XXYLT1: variants seen among roughly 807,000 people sequenced by gnomAD.
The protein encoded by XXYLT1 is UDP-xylose:alpha-xyloside alpha-1,3-xylosyltransferase.
XXYLT1 carries 20 observed loss-of-function variants against 28.9 expected under a neutral mutation model. The observed-to-expected ratio is 0.69, with a 90% CI of 0.49 to 1.00. XXYLT1 has a LOEUF of 1.00. Ranked by LOEUF, XXYLT1 falls within the 50% of genes least tolerant of loss-of-function variation. The pLI, the probability that XXYLT1 is intolerant of heterozygous loss-of-function variation, is 0.00. For synonymous variants in XXYLT1, 257 were observed against 253.8 expected (o/e 1.01, Z -0.12); for missense variants, 542 against 560.1 (o/e 0.97, Z 0.33).
chr3:195,126,738 C>A (rs949121149), intron 3 of XXYLT1, among the ~76,000 whole-genome samples: 1 of 152,220 alleles, frequency 6.6e-6, no homozygotes, highest in Non-Finnish European at 1.5e-5. Context: ...CTAGAGAAGA[C>A]AAGACTGTTC....
At chr3:195,112,715 G>A (rs894366402) in intron 3 of XXYLT1, among the ~76,000 whole-genome samples, 7 of 143,354 alleles carry the variant, frequency 4.9e-5, no homozygotes, top group African/African-American at 1.8e-4. Context: ...ATGCACACAC[G>A]CAGCTCCCAG....
At chr3:195,109,546 G>GT (rs1560099562) in intron 3 of XXYLT1, among the ~76,000 whole-genome samples, 94 of 88,108 alleles carry the variant, frequency 1.1e-3, no homozygotes, top group African/African-American at 2.1e-3. Context: ...CATGTGTAGG[G>GT]GGTGTGTGTG....
At chr3:195,070,184 C>T in intron 3 of XXYLT1, 73 bp from the exon 4 acceptor site, 1 of 1,488,470 alleles carries the variant, frequency 6.7e-7, no homozygotes, top group Non-Finnish European at 8.9e-7. Context: ...CCTGGGTCTT[C>T]ACAGCCAGCC....
rs1268794579 is a variant in XXYLT1 at position 195,076,207 on chromosome 3, G to A, written c.786-6096C>T. Reference sequence around the variant, plus strand: ...GGAAGAGGGCCTGGAGGAAGGTCTGGGGGCTCGGGGAAGTGAGAAAAGAGG... The same window carrying A: ...GGAAGAGGGCCTGGAGGAAGGTCTGAGGGCTCGGGGAAGTGAGAAAAGAGG... On this transcript the variant is annotated intron_variant, in intron 3 of 3. Coordinates refer to ENST00000310380, the MANE Select transcript of XXYLT1 (RefSeq NM_152531.5). This position sits in a 1 kb window ranked among gnomAD's most constrained non-coding sequence, Gnocchi z 5.3. Among the ~76,000 whole-genome samples the A allele has an allele frequency of 6.6e-6, 1 of 152,196 alleles. No individual in the cohort carries two copies. The highest frequency in any genetic ancestry group is 1.5e-5 in the Non-Finnish European group (1 of 68,020).
At chr3:195,112,756 C>A (rs1175494181) in intron 3 of XXYLT1, among the ~76,000 whole-genome samples, 1 of 125,592 alleles carries the variant, frequency 8.0e-6, no homozygotes, top group South Asian at 2.4e-4. Flanking sequence ...TGAAGCAGTG[C>A]GCGCATGCAC....
At chr3:195,165,609 A>C in intron 2 of XXYLT1, among the ~76,000 whole-genome samples, 1 of 152,186 alleles carries the variant, frequency 6.6e-6, no homozygotes. Context: ...TAATCTTTTC[A>C]GTAGCAAATA....
At chr3:195,157,467 G>C (rs1252944676) in intron 2 of XXYLT1, among the ~76,000 whole-genome samples, 1 of 152,172 alleles carries the variant, frequency 6.6e-6, no homozygotes, top group Non-Finnish European at 1.5e-5. Flanking sequence ...CTGCCTAAAA[G>C]ACAGGATGAG....
At chr3:195,237,766 TC>T (rs1334199514) in intron 1 of XXYLT1, among the ~76,000 whole-genome samples, 1 of 152,194 alleles carries the variant, frequency 6.6e-6, no homozygotes, top group African/African-American at 2.4e-5. Context: ...ATGCTTCTCT[TC>T]TAAGGTACCG....
At chr3:195,205,740 G>A in intron 2 of XXYLT1, among the ~76,000 whole-genome samples, 1 of 152,178 alleles carries the variant, frequency 6.6e-6, no homozygotes, top group Non-Finnish European at 1.5e-5. Flanking sequence ...GCAGGCGACT[G>A]TAATATCAGC....
intron 2 of XXYLT1, among the ~76,000 whole-genome samples, chr3:195,186,622 C>A (rs528616130): frequency 1.9e-4 from 29 of 152,202 alleles, no homozygotes; most frequent in East Asian, 3.9e-4. Flanking sequence ...CAATCCCCCC[C>A]CACACACCCT....
chr3:195,164,285 T>C (rs1721008918), intron 2 of XXYLT1, among the ~76,000 whole-genome samples: 1 of 152,212 alleles, frequency 6.6e-6, no homozygotes, highest in South Asian at 2.1e-4. Context: ...CCAGATCCCC[T>C]TTCCCTGTTC....
chr3:195,174,697 C>T (rs1577109089), intron 2 of XXYLT1, among the ~76,000 whole-genome samples: 1 of 136,790 alleles, frequency 7.3e-6, no homozygotes, highest in South Asian at 2.7e-4. Context: ...CCCTCCCTTC[C>T]CTTCCCTTTC....
At chr3:195,223,247 C>G (rs1027018046) in intron 2 of XXYLT1, among the ~76,000 whole-genome samples, 1 of 151,972 alleles carries the variant, frequency 6.6e-6, no homozygotes, top group South Asian at 2.1e-4. Context: ...AAAGTAAGCA[C>G]ATTTTAAAAA....
rs1331362820 is a variant in XXYLT1, at chr3:195,167,593, A to AAT, written c.653-11014_653-11013dup. ...GCGACAAGAGTGAAACTCCATCTCA[A>AAT]ATATATATATATAGCTATGTCAATT... is the stretch of plus-strand genomic sequence containing the variant. On this transcript the variant is annotated intron_variant, in intron 2 of 3. Coordinates refer to ENST00000310380, the MANE Select transcript of XXYLT1 (RefSeq NM_152531.5). Among the ~76,000 whole-genome samples, 109 of 151,680 alleles carry AAT rather than the reference A, an allele frequency of 7.2e-4. 1 individual carries two copies. The highest frequency in any genetic ancestry group is 2.5e-3 in the African/African-American group (104 of 41,340).
chr3:195,271,099 G>A lies in XXYLT1; in HGVS notation c.-41C>T, dbSNP rs929260227. On this transcript the variant is annotated 5_prime_UTR_variant, in exon 1 of 4. Coordinates refer to ENST00000310380, the MANE Select transcript of XXYLT1 (RefSeq NM_152531.5). ...GGCGCCAGCGGTGCCAGCAACGCGG[G>A]AGAGCCCTCGGGTACCCGGACGCCG... The A allele has an allele frequency of 6.1e-6, 8 of 1,303,066 alleles. No individual in the cohort carries two copies. The highest frequency in any genetic ancestry group is 2.2e-5 in the South Asian group (1 of 45,792). 80.7% of individuals were successfully genotyped at this position (1,303,066 alleles called of 1,614,324 possible).
chr3:195,233,886 T>G (rs1269859174), intron 1 of XXYLT1, among the ~76,000 whole-genome samples: 1 of 152,172 alleles, frequency 6.6e-6, no homozygotes, highest in Non-Finnish European at 1.5e-5. Context: ...TCCTTTTATT[T>G]CAGACTAAAT....
At chr3:195,098,833 T>C (rs1339631266) in intron 3 of XXYLT1, among the ~76,000 whole-genome samples, 1 of 152,162 alleles carries the variant, frequency 6.6e-6, no homozygotes, top group Non-Finnish European at 1.5e-5. Flanking sequence ...TACCTACGGG[T>C]GGGACCCTCC....
intron 2 of XXYLT1, among the ~76,000 whole-genome samples, chr3:195,220,342 C>T (rs2108793827): frequency 6.6e-6 from 1 of 152,262 alleles, no homozygotes; most frequent in South Asian, 2.1e-4. Flanking sequence ...TGGGGTTTCA[C>T]CATGTTGGCC....
chr3:195,222,198 C>T (rs533971131), intron 2 of XXYLT1, among the ~76,000 whole-genome samples: 13 of 152,372 alleles, frequency 8.5e-5, no homozygotes, highest in Admixed American at 7.2e-4. Flanking sequence ...TGGGTGTCCA[C>T]ATCTGGACAT....
Sources: allele counts gnomAD v4.1 joint callset (sites outside exome capture counted in the v4.1 genomes callset), GRCh38; gene constraint gnomAD v4.1.1; non-coding constraint Gnocchi (gnomAD v3.1); transcripts MANE v1.5; gene names NCBI Gene and HGNC (gene_info 2026-07-23, HGNC 2026-07-21).